Variants in CHL1 observed in about 807,000 individuals in gnomAD.
CHL1 encodes the protein neural cell adhesion molecule L1-like protein.
Under a neutral mutation model 141.9 loss-of-function variants are expected in CHL1, and 96 were observed. The ratio of observed to expected loss-of-function variants is 0.68; its 90% CI spans 0.57 to 0.80. CHL1 has a LOEUF of 0.80. Among genes scored for constraint, CHL1 ranks in the 30% least tolerant of loss-of-function variants. CHL1 has a pLI of 0.00. For missense variants in CHL1, 1,820 were observed against 1,457.2 expected (o/e 1.25, Z -4.05); for synonymous variants, 613 against 502.2 (o/e 1.22, Z -2.95).
chr3:339,306 C>T (rs1014306500), intron 5 of CHL1, among the ~76,000 whole-genome samples: 7 of 152,230 alleles, frequency 4.6e-5, no homozygotes, highest in South Asian at 2.1e-4. Flanking sequence ...CAATCAAAGC[C>T]GAGGCTTTAC....
rs369426313 is a variant in CHL1, at chr3:374,768, G to A, written c.1752-3050G>A. ...TGCCAAGGGCATGCACGGTGATATAGCAGGGAGTAGAAGTCACAGGTATCT... is the reference window on the plus strand; with the variant it reads ...TGCCAAGGGCATGCACGGTGATATAACAGGGAGTAGAAGTCACAGGTATCT... On this transcript the variant is annotated intron_variant, in intron 15 of 27. Transcript: ENST00000256509. Among the ~76,000 whole-genome samples, 265 of 152,294 alleles carry A rather than the reference G, an allele frequency of 1.7e-3. 2 individuals are homozygous for A. The highest frequency in any genetic ancestry group is 5.8e-3 in the African/African-American group (240 of 41,564).
At chr3:267,117 T>C (rs187619034) in intron 2 of CHL1, among the ~76,000 whole-genome samples, 104 of 152,348 alleles carry the variant, frequency 6.8e-4, no homozygotes, top group African/African-American at 2.3e-3. Flanking sequence ...GTAGGGACCC[T>C]ACGCTCTATT....
chr3:381,164 C>T (rs889591899), intron 16 of CHL1, among the ~76,000 whole-genome samples: 3 of 152,156 alleles, frequency 2.0e-5, no homozygotes, highest in South Asian at 4.1e-4. Context: ...TCAAGGATAA[C>T]CCCTTGAGAC....
chr3:306,127 G>C (rs948715299), intron 2 of CHL1, among the ~76,000 whole-genome samples: 3 of 152,112 alleles, frequency 2.0e-5, no homozygotes, highest in African/African-American at 7.2e-5. Flanking sequence ...GAAGGGTTTA[G>C]GGATCTAGGT....
At chr3:387,893 C>T (rs529055269) in intron 19 of CHL1, among the ~76,000 whole-genome samples, 3 of 152,046 alleles carry the variant, frequency 2.0e-5, no homozygotes, top group Admixed American at 1.3e-4. Flanking sequence ...AATAGGAATA[C>T]ACTTAAAATT....
At chr3:237,171 T>C (rs541678095) in intron 1 of CHL1, among the ~76,000 whole-genome samples, 64 of 152,102 alleles carry the variant, frequency 4.2e-4, no homozygotes, top group Non-Finnish European at 8.7e-4. Flanking sequence ...TGGGAGGTGA[T>C]TGGATTATGG....
At chr3:315,807 C>T (rs1264675112) in intron 2 of CHL1, among the ~76,000 whole-genome samples, 1 of 151,858 alleles carries the variant, frequency 6.6e-6, no homozygotes, top group Non-Finnish European at 1.5e-5. Context: ...TGTCTCATGT[C>T]AAGAAAATTT....
At chr3:200,865 A>G (rs1319786191) in intron 1 of CHL1, among the ~76,000 whole-genome samples, 2 of 152,176 alleles carry the variant, frequency 1.3e-5, no homozygotes, top group East Asian at 3.8e-4. Flanking sequence ...TATCTGAGGA[A>G]AGATTGTATT....
intron 2 of CHL1, among the ~76,000 whole-genome samples, chr3:249,430 T>G (rs916477153): frequency 6.6e-6 from 1 of 152,140 alleles, no homozygotes; most frequent in Non-Finnish European, 1.5e-5. Flanking sequence ...AAGAAACATG[T>G]CAAAGCTCAC....
rs1683222854 is a variant in CHL1, at chr3:406,487, C to T, written c.*776C>T. ...TATACGAGAACAGGCAGAAAGTGCCCATTGTTCAGGATTCTAATAGCTACA... is the reference window on the plus strand; with the variant it reads ...TATACGAGAACAGGCAGAAAGTGCCTATTGTTCAGGATTCTAATAGCTACA... On this transcript the variant is annotated 3_prime_UTR_variant, in exon 28 of 28. Transcript: ENST00000256509. The T allele has an allele frequency of 6.6e-6, 1 of 151,708 alleles. No individual in the cohort carries two copies. The highest frequency in any genetic ancestry group is 1.5e-5 in the Non-Finnish European group (1 of 67,962). The allele number at this position is 151,708 out of a possible 1,614,324, so 9.4% of individuals were successfully genotyped here. A position where few individuals can be genotyped will look rare whatever the true frequency, so the allele number is the denominator to read the frequency against.
chr3:351,951 T>A (rs560499076), intron 10 of CHL1, among the ~76,000 whole-genome samples: 21 of 152,232 alleles, frequency 1.4e-4, no homozygotes, highest in Non-Finnish European at 2.5e-4. Context: ...ACAGTCTACA[T>A]CCAGAAATCA....
intron 3 of CHL1, among the ~76,000 whole-genome samples, chr3:325,475 C>G (rs898179652): frequency 6.6e-6 from 1 of 151,756 alleles, no homozygotes; most frequent in African/African-American, 2.4e-5. Flanking sequence ...GGATAATAAT[C>G]TAATGACCAG....
intron 1 of CHL1, among the ~76,000 whole-genome samples, chr3:216,802 A>G (rs1180184376): frequency 6.6e-6 from 1 of 152,244 alleles, no homozygotes; most frequent in African/African-American, 2.4e-5. Context: ...TGGCACACCC[A>G]GACTTACTTC....
chr3:303,436 T>G (rs1209172782), intron 2 of CHL1, among the ~76,000 whole-genome samples: 2 of 152,150 alleles, frequency 1.3e-5, no homozygotes, highest in Non-Finnish European at 2.9e-5. Context: ...TTGTAGTTCT[T>G]GAAGAGGCCC....
intron 1 of CHL1, chr3:197,456 C>A: frequency 6.1e-6 from 1 of 163,018 alleles, no homozygotes; most frequent in South Asian, 1.5e-4. Flanking sequence ...TAGATCTCCG[C>A]CCTCTCTCGG....
At chr3:369,389 G>C (rs1705329780) in intron 15 of CHL1, among the ~76,000 whole-genome samples, 2 of 152,000 alleles carry the variant, frequency 1.3e-5, no homozygotes, top group South Asian at 2.1e-4. Context: ...TTTATGATTT[G>C]GCTCTCTGCT....
intron 1 of CHL1, among the ~76,000 whole-genome samples, chr3:220,933 A>G (rs555266532): frequency 1.3e-5 from 2 of 152,314 alleles, no homozygotes; most frequent in Admixed American, 6.5e-5. Context: ...TCTGAAGCCT[A>G]CTACCTGGAG....
At chr3:400,946 G>C (rs1042809978) in intron 26 of CHL1, among the ~76,000 whole-genome samples, 12 of 120,692 alleles carry the variant, frequency 9.9e-5, no homozygotes, top group African/African-American at 2.6e-4. Context: ...CTGTTGCCCA[G>C]GCTGGAGTGC....
In CHL1 at chr3:389,331, G is replaced by T; in HGVS notation, c.2327G>T (p.Trp776Leu). 1.2e-6 allele frequency: 2 copies of T among 1,614,150 alleles called. No individual in the cohort carries two copies. The highest frequency in any genetic ancestry group is 1.7e-6 in the Non-Finnish European group (2 of 1,180,024). ...AAGCCACAGGGAGCCCCAGTGGAGT[G>T]GGAAGAAGAAACAGTCACAAACCAC... The part of the protein sequence containing the change: ...TWKPQGAPVE[W>L]EEETVTNHTL... The change falls in exon 20 of 28, where the codon TGG becomes TTG. Residue 776 changes from tryptophan (W) to leucine (L), a missense_variant. Coordinates refer to ENST00000256509, the MANE Select transcript of CHL1 (RefSeq NM_006614.4).
Sources: allele counts gnomAD v4.1 joint callset (sites outside exome capture counted in the v4.1 genomes callset), GRCh38; gene constraint gnomAD v4.1.1; transcripts MANE v1.5; gene names NCBI Gene and HGNC (gene_info 2026-07-23, HGNC 2026-07-21).